The following FBXO17 variants were observed in gnomAD, a reference collection of about 807,000 sequenced individuals.
FBXO17 encodes F-box protein 17, also known as F-box only protein 17.
FBXO17 carries 43 observed loss-of-function variants against 34.1 expected under a neutral mutation model. The ratio of observed to expected loss-of-function variants is 1.26; its 90% CI spans 0.99 to 1.62. The LOEUF is 1.62. Ranked by LOEUF, FBXO17 falls within the 40% of genes most tolerant of loss-of-function variation. The probability of loss-of-function intolerance (pLI) is 0.00; values close to 1 mark genes in which losing one functional copy is unlikely to be tolerated. For synonymous variants in FBXO17, 169 were observed against 166.0 expected (o/e 1.02, Z -0.14); for missense variants, 424 against 386.7 (o/e 1.10, Z -0.81).
intron 1 of FBXO17, among the ~76,000 whole-genome samples, chr19:38,952,238 C>T (rs1600193506): frequency 2.6e-5 from 4 of 152,194 alleles, no homozygotes; most frequent in Non-Finnish European, 5.9e-5. Context: ...TGAGCCACCA[C>T]GCCTGGCCTG....
intron 1 of FBXO17, among the ~76,000 whole-genome samples, chr19:38,953,069 A>G (rs899758749): frequency 6.6e-6 from 1 of 152,150 alleles, no homozygotes; most frequent in Admixed American, 6.5e-5. Context: ...TGGGAGGGCA[A>G]GGTGGGAGGA....
intron 5 of FBXO17, among the ~76,000 whole-genome samples, chr19:38,943,234 TA>T (rs1974920288): frequency 6.6e-6 from 1 of 150,856 alleles, no homozygotes; most frequent in Non-Finnish European, 1.5e-5. Context: ...TTTTCCAATT[TA>T]AAAAAGTTGA....
chr19:38,949,931 G>A lies in FBXO17; in HGVS notation c.349+40C>T, dbSNP rs773766710. ...GGCCCCGCCCCCGCCTCGCTCGCGC[G>A]GCCCCCCTCAGCCTCCTGGGCCCCG... On this transcript the variant is annotated intron_variant, in intron 2 of 5. Coordinates refer to ENST00000292852, the MANE Select transcript of FBXO17 (RefSeq NM_024907.7). 1.9e-5 allele frequency: 27 copies of A among 1,392,846 alleles called. No individual in the cohort carries two copies. In the South Asian group the frequency reaches 4.2e-4, roughly 22 times the overall value. The allele number at this position is 1,392,846 out of a possible 1,614,324, so 86.3% of individuals were successfully genotyped here.
intron 1 of FBXO17, among the ~76,000 whole-genome samples, chr19:38,954,997 G>C (rs1252581483): frequency 6.7e-6 from 1 of 149,596 alleles, no homozygotes; most frequent in Admixed American, 6.7e-5. Context: ...GTGGTGCGAT[G>C]TCGGCTCACT....
intron 1 of FBXO17, among the ~76,000 whole-genome samples, chr19:38,963,185 G>A (rs937749748): frequency 6.6e-6 from 1 of 152,074 alleles, no homozygotes; most frequent in Non-Finnish European, 1.5e-5. Context: ...TTGTGAAGAA[G>A]TCATCTGGGC....
chr19:38,972,018 G>T (rs1411640650), intron 1 of FBXO17, among the ~76,000 whole-genome samples: 1 of 152,108 alleles, frequency 6.6e-6, no homozygotes. Flanking sequence ...ACTGAGGCTT[G>T]GAGGATGACA....
chr19:38,971,199 C>G (rs770993652), intron 1 of FBXO17, among the ~76,000 whole-genome samples: 2 of 152,000 alleles, frequency 1.3e-5, no homozygotes, highest in African/African-American at 2.4e-5. Flanking sequence ...CTGCCCCTCA[C>G]GGTTGTAGGG....
At chr19:38,945,549 G>T (rs1379963257) in intron 4 of FBXO17, 1 of 127,270 alleles carries the variant, frequency 7.9e-6, no homozygotes, top group African/African-American at 4.4e-5. Flanking sequence ...CCTCGGGGAG[G>T]GGCCTGGGTG....
rs1420470801 is a variant in FBXO17 at position 38,962,209 on chromosome 19, A to AT, written c.-17-11874_-17-11873insA. On this transcript the variant is annotated intron_variant, in intron 1 of 5. Coordinates refer to ENST00000292852, the MANE Select transcript of FBXO17 (RefSeq NM_024907.7). ...TCGTCTCAAAAAAAAAAAATAAAAA[A>AT]AAATAAATAATAATTGGAGTTTGGC... 1.9e-4 allele frequency among the ~76,000 whole-genome samples: 28 copies of AT among 148,774 alleles called. No individual in the cohort carries two copies. In the East Asian group the frequency reaches 3.0e-3, roughly 16 times the overall value.
rs1034002017 is a variant in FBXO17 at position 38,945,157 on chromosome 19, G to T, written c.558-53C>A. On this transcript the variant is annotated intron_variant, in intron 4 of 5. Transcript: ENST00000292852. ...CCCCGTCACCCAGCCAGCTCTCTGGGTTTCGGGGCGGGAGGCTGAGGGCTG... is the reference window on the plus strand; with the variant it reads ...CCCCGTCACCCAGCCAGCTCTCTGGTTTTCGGGGCGGGAGGCTGAGGGCTG... The T allele has an allele frequency of 1.5e-5, 24 of 1,605,388 alleles. No individual in the cohort carries two copies. The African/African-American group carries it at 2.8e-4, about 19-fold the overall frequency.
At position 38,944,906 on chromosome 19, in the gene FBXO17, C is replaced by T. The variant is rs780623497; in HGVS notation, c.693+63G>A. ...AGTGACAGAAGGGAAACCGAGCAGA[C>T]GAGAGGCTGGGCGTGTGTGCCTTTA... On this transcript the variant is annotated intron_variant, in intron 5 of 5. Transcript: ENST00000292852. 754 of 1,596,414 alleles carry T rather than the reference C, an allele frequency of 4.7e-4. 1 individual carries two copies. Among genetic ancestry groups the T allele is most frequent in the Non-Finnish European group, 5.2e-4 (604 of 1,170,092 alleles).
rs1975025618 is a variant in FBXO17, at chr19:38,948,693, G to T, written c.350-15C>A. On this transcript the variant is annotated splice_polypyrimidine_tract_variant and intron_variant, in intron 2 of 5. Transcript: ENST00000292852. ...TCTGAAGCCCTCTGTGGGAAAACAAGAGTTGAACATATGGTTCACCTGCCA... is the reference window on the plus strand; with the variant it reads ...TCTGAAGCCCTCTGTGGGAAAACAATAGTTGAACATATGGTTCACCTGCCA... The T allele has an allele frequency of 6.2e-7, 1 of 1,611,372 alleles. No homozygotes were observed. The highest frequency in any genetic ancestry group is 8.5e-7 in the Non-Finnish European group (1 of 1,178,228).
intron 1 of FBXO17, among the ~76,000 whole-genome samples, chr19:38,960,442 G>C (rs1975231654): frequency 6.6e-6 from 1 of 152,136 alleles, no homozygotes; most frequent in Admixed American, 6.6e-5. Flanking sequence ...GACCCGAACA[G>C]CTGGCGCTCC....
chr19:38,946,663 C>G, intron 3 of FBXO17, 96 bp from the exon 4 acceptor site: 2 of 1,526,138 alleles, frequency 1.3e-6, no homozygotes, highest in Non-Finnish European at 1.8e-6. Flanking sequence ...CTTGATAACC[C>G]TCTCTAAAGC....
chr19:38,966,581 G>T (rs529804061), intron 1 of FBXO17, among the ~76,000 whole-genome samples: 2 of 152,210 alleles, frequency 1.3e-5, no homozygotes, highest in South Asian at 4.1e-4. Context: ...ATAAAAGGAA[G>T]AATGTCTACA....
At chr19:38,958,769 G>A (rs1054405827) in intron 1 of FBXO17, among the ~76,000 whole-genome samples, 23 of 152,142 alleles carry the variant, frequency 1.5e-4, no homozygotes, top group African/African-American at 5.6e-4. Flanking sequence ...TATCTGACAC[G>A]CTTTTTCAGT....
intron 5 of FBXO17, among the ~76,000 whole-genome samples, chr19:38,943,110 C>G (rs1974917913): frequency 6.6e-6 from 1 of 151,922 alleles, no homozygotes; most frequent in Non-Finnish European, 1.5e-5. Context: ...GCGCAAAGGC[C>G]CTGAGGTGGG....
intron 1 of FBXO17, among the ~76,000 whole-genome samples, chr19:38,958,810 C>T (rs1394807622): frequency 6.6e-6 from 1 of 152,230 alleles, no homozygotes; most frequent in South Asian, 2.1e-4. Context: ...GTGGGGTCCA[C>T]ATTCCTCCCC....
At chr19:38,949,379 C>A (rs760411167) in intron 2 of FBXO17, among the ~76,000 whole-genome samples, 1 of 152,070 alleles carries the variant, frequency 6.6e-6, no homozygotes, top group Non-Finnish European at 1.5e-5. Context: ...GGATTACAGG[C>A]GTGAGCCACT....
Sources: gnomAD v4.1 joint callset for allele counts (sites outside exome capture counted in the v4.1 genomes callset) on GRCh38, gnomAD v4.1.1 for gene constraint, MANE v1.5 for transcripts, NCBI Gene and HGNC (gene_info 2026-07-23, HGNC 2026-07-21) for gene names.